TMC1: variants seen among roughly 807,000 people sequenced by gnomAD.
TMC1 encodes the protein transmembrane channel like 1.
Under a neutral mutation model 105.8 loss-of-function variants are expected in TMC1, and 84 were observed. The observed-to-expected ratio is 0.79, with a 90% CI of 0.67 to 0.95. The LOEUF is 0.95. TMC1 is among the 40% of genes least tolerant of loss of function. The pLI is 0.00. For missense variants in TMC1, 817 were observed against 914.1 expected, an observed-to-expected ratio of 0.89 and a Z score of 1.37; for synonymous variants, 315 against 311.5, an observed-to-expected ratio of 1.01 and a Z score of -0.12.
intron 8 of TMC1, among the ~76,000 whole-genome samples, chr9:72,711,008 A>T (rs946998508): frequency 5.9e-5 from 9 of 152,314 alleles, no homozygotes; most frequent in African/African-American, 2.2e-4. Flanking sequence ...ATGAGTGAGA[A>T]CATGTGGTGT....
chr9:72,655,959 T>C, intron 5 of TMC1: 1 of 811,240 alleles, frequency 1.2e-6, no homozygotes, highest in Non-Finnish European at 2.2e-6. Context: ...CTGGAAATGA[T>C]CCCATGGCTT....
intron 3 of TMC1, among the ~76,000 whole-genome samples, chr9:72,626,079 A>C (rs1249251352): frequency 6.6e-6 from 1 of 152,184 alleles, no homozygotes; most frequent in East Asian, 1.9e-4. Context: ...TTTGGAGTTC[A>C]AGCCCCCAGC....
In TMC1 at chr9:72,750,779, G is replaced by A. The variant is rs563988452; in HGVS notation, c.536-1071G>A. Among the ~76,000 whole-genome samples the A allele has an allele frequency of 8.1e-4, 123 of 152,180 alleles. 1 individual carries two copies. The highest frequency in any genetic ancestry group is 2.9e-3 in the African/African-American group (120 of 41,514). On this transcript the variant is annotated intron_variant, in intron 10 of 23. Transcript: ENST00000297784. The stretch of plus-strand genomic sequence containing the variant: ...CTCACTCTTTACCATGGGTTGAGAG[G>A]CCCCACACACTGTGGTTTGGCCTCT...
At chr9:72,742,665 A>T in intron 10 of TMC1, 140 bp downstream of exon 10, 1 of 787,122 alleles carries the variant, frequency 1.3e-6, no homozygotes, top group South Asian at 1.5e-5. Context: ...AAATCAACAA[A>T]AACTTTGTTT....
chr9:72,656,334 A>C, intron 5 of TMC1: 1 of 190,500 alleles, frequency 5.2e-6, no homozygotes. Context: ...TAAAATCTTA[A>C]TTTCCTTCTG....
intron 5 of TMC1, among the ~76,000 whole-genome samples, chr9:72,668,005 C>G (rs1826070760): frequency 6.6e-6 from 1 of 152,178 alleles, no homozygotes; most frequent in Non-Finnish European, 1.5e-5. Flanking sequence ...TAGTTATATT[C>G]TACCTCACAC....
At chr9:72,755,019 G>A (rs1827650447) in intron 12 of TMC1, 135 bp downstream of exon 12, 5 of 283,332 alleles carry the variant, frequency 1.8e-5, no homozygotes, top group East Asian at 1.3e-4. Flanking sequence ...CTTTAAGAAA[G>A]AAAGGAAAGA....
At position 72,683,771 on chromosome 9, in the gene TMC1, A is replaced by ATATATATATATG. The variant is rs1197858519; in HGVS notation, c.17-4935_17-4934insATATATATGTAT. On this transcript the variant is annotated intron_variant, in intron 5 of 23. Transcript: ENST00000297784. ...TATATATATATATATATATATATAT[A>ATATATATATATG]TATGTTAAAAATATTTATTTGTCAT... is the stretch of plus-strand genomic sequence containing the variant. Among the ~76,000 whole-genome samples the ATATATATATATG allele has an allele frequency of 2.2e-5, 3 of 134,266 alleles. No homozygotes were observed. The East Asian group carries it at 6.6e-4, about 30-fold the overall frequency. 88.1% of individuals were successfully genotyped at this position (134,266 alleles called of 152,430 possible).
At chr9:72,550,774 G>A (rs1266600531) in intron 1 of TMC1, among the ~76,000 whole-genome samples, 1 of 151,712 alleles carries the variant, frequency 6.6e-6, no homozygotes. Context: ...CTCCCAAGAT[G>A]TTCAGGTCCT....
chr9:72,814,453 C>T (rs1828750920), intron 18 of TMC1, among the ~76,000 whole-genome samples: 1 of 152,192 alleles, frequency 6.6e-6, no homozygotes, highest in African/African-American at 2.4e-5. Flanking sequence ...CTTTTTGCCT[C>T]TTGTGAACAT....
intron 2 of TMC1, among the ~76,000 whole-genome samples, chr9:72,600,462 T>C (rs1169202971): frequency 6.6e-6 from 1 of 152,210 alleles, no homozygotes; most frequent in African/African-American, 2.4e-5. Flanking sequence ...CTCCCTCTTT[T>C]AGATGAGTTT....
At chr9:72,769,736 C>T (rs1034907397) in intron 12 of TMC1, among the ~76,000 whole-genome samples, 6 of 152,104 alleles carry the variant, frequency 3.9e-5, no homozygotes, top group African/African-American at 7.2e-5. Flanking sequence ...GAAATGTATA[C>T]GGTGATGTTA....
At chr9:72,614,105 A>G (rs563857671) in intron 2 of TMC1, among the ~76,000 whole-genome samples, 1 of 152,334 alleles carries the variant, frequency 6.6e-6, no homozygotes, top group East Asian at 1.9e-4. Flanking sequence ...GTATTCTTGA[A>G]CTGAACTGAT....
chr9:72,742,067 TATTTA>T (rs998155389), intron 9 of TMC1, among the ~76,000 whole-genome samples: 4 of 152,128 alleles, frequency 2.6e-5, no homozygotes, highest in Admixed American at 2.0e-4. Context: ...TTATTTATTT[TATTTA>T]ATTATTCATA....
At chr9:72,605,521 T>G (rs1425467284) in intron 2 of TMC1, among the ~76,000 whole-genome samples, 1 of 152,100 alleles carries the variant, frequency 6.6e-6, no homozygotes, top group Non-Finnish European at 1.5e-5. Flanking sequence ...TCTGTGCACA[T>G]GCACTTCTGT....
intron 13 of TMC1, among the ~76,000 whole-genome samples, chr9:72,785,428 T>G (rs1411931138): frequency 1.3e-5 from 2 of 152,202 alleles, no homozygotes; most frequent in Non-Finnish European, 2.9e-5. Context: ...CTGTAGATCT[T>G]AGCAACCTCA....
chr9:72,619,982 G>A (rs1192901663), intron 3 of TMC1, among the ~76,000 whole-genome samples: 1 of 151,912 alleles, frequency 6.6e-6, no homozygotes, highest in Non-Finnish European at 1.5e-5. Context: ...CTACAGGCAT[G>A]TGCCACCATG....
At chr9:72,710,472 T>C (rs1446142224) in intron 8 of TMC1, among the ~76,000 whole-genome samples, 1 of 152,218 alleles carries the variant, frequency 6.6e-6, no homozygotes, top group Non-Finnish European at 1.5e-5. Context: ...ATTGTGTTGC[T>C]GTCTATCTCA....
rs555097589 is a variant in TMC1, at chr9:72,758,530, C to T, written c.741+3646C>T. On this transcript the variant is annotated intron_variant, in intron 12 of 23. Coordinates refer to ENST00000297784, the MANE Select transcript of TMC1 (RefSeq NM_138691.3). ...CTTGGTCAGGACGTGGTGTCCTCCACGGCAGAAGGGAAGAGGCTGCCTGAG... is the reference window on the plus strand; with the variant it reads ...CTTGGTCAGGACGTGGTGTCCTCCATGGCAGAAGGGAAGAGGCTGCCTGAG... 1.2e-4 allele frequency among the ~76,000 whole-genome samples: 19 copies of T among 152,254 alleles called. No homozygotes were observed. The South Asian group carries it at 2.5e-3, about 20-fold the overall frequency.
Sources: gnomAD v4.1 joint callset for allele counts (sites outside exome capture counted in the v4.1 genomes callset) on GRCh38, gnomAD v4.1.1 for gene constraint, MANE v1.5 for transcripts, NCBI Gene and HGNC (gene_info 2026-07-23, HGNC 2026-07-21) for gene names.